The following ATP8B2 variants were observed in gnomAD, a reference collection of about 807,000 sequenced individuals.
The protein encoded by ATP8B2 is ATPase phospholipid transporting 8B2.
In ATP8B2, 70 loss-of-function variants were observed where a neutral mutation model predicts 133.4. That is an observed-to-expected ratio of 0.52 (90% CI 0.43 to 0.64). ATP8B2 has a LOEUF of 0.64. Among genes scored for constraint, ATP8B2 ranks in the 30% least tolerant of loss-of-function variants. The pLI is 0.00. For missense variants in ATP8B2, 1,101 were observed against 1,535.7 expected (o/e 0.72, Z 4.73); for synonymous variants, 517 against 589.5 (o/e 0.88, Z 1.78).
chr1:154,345,863 G>C lies in ATP8B2; in HGVS notation c.2758G>C (p.Ala920Pro). 6.2e-7 allele frequency: 1 copy of C among 1,612,780 alleles called. No individual in the cohort carries two copies. Among genetic ancestry groups the C allele is most frequent in the Non-Finnish European group, 8.5e-7 (1 of 1,178,768 alleles). ...NIVYTSLPVL[A>P]MGVFDQDVPE... The stretch of plus-strand genomic sequence containing the variant: ...CGTGTACACCTCCCTGCCAGTCCTG[G>C]CTATGGGGGTCTTTGATCAGGTATG... Residue 920 changes from alanine to proline, a missense_variant, in exon 24 of 28, where the codon GCT becomes CCT. Coordinates refer to ENST00000368489, the MANE Select transcript of ATP8B2 (RefSeq NM_001370597.1). This position sits in a 1 kb window ranked among gnomAD's most constrained non-coding sequence, Gnocchi z 5.6.
At chr1:154,337,235 G>A in intron 11 of ATP8B2, 113 bp from the exon 12 acceptor site, 2 of 1,250,632 alleles carry the variant, frequency 1.6e-6, no homozygotes, top group South Asian at 1.5e-5. Context: ...GGACAAGCTT[G>A]CACTAGAGCA....
Position 154,331,338 on chromosome 1 carries a change from A to G in ATP8B2, c.304-106A>G. 7.8e-7 allele frequency: 1 copy of G among 1,279,518 alleles called. No homozygotes were observed. The allele number at this position is 1,279,518 out of a possible 1,614,324, so 79.3% of individuals were successfully genotyped here. A position where few individuals can be genotyped will look rare whatever the true frequency, so the allele number is the denominator to read the frequency against. ...GAATCAGGGAGTGAACTGGTTTGTGATGGGGTGTGTATGAGGCGTTAACCA... is the reference window on the plus strand; with the variant it reads ...GAATCAGGGAGTGAACTGGTTTGTGGTGGGGTGTGTATGAGGCGTTAACCA... On this transcript the variant is annotated intron_variant, in intron 5 of 27. Transcript: ENST00000368489. The surrounding 1 kb of genome is among the most constrained non-coding windows in gnomAD (Gnocchi z 4.8).
rs1686499595 is a variant in ATP8B2, at chr1:154,344,172, A to G, written c.1953A>G (p.Lys651=). Residue 651 remains lysine, a synonymous_variant, in exon 19 of 28, where the codon AAA becomes AAG. Coordinates refer to ENST00000368489, the MANE Select transcript of ATP8B2 (RefSeq NM_001370597.1). This position sits in a 1 kb window ranked among gnomAD's most constrained non-coding sequence, Gnocchi z 4.1. Reference sequence around the variant, plus strand: ...TGGGTGCAACGGCCATTGAGGACAAACTTCAGCAAGGGGTTCCAGAGACCA... The same window carrying G: ...TGGGTGCAACGGCCATTGAGGACAAGCTTCAGCAAGGGGTTCCAGAGACCA... ...MLLGATAIED[K]LQQGVPETIA... 7 of 1,614,198 alleles carry G rather than the reference A, an allele frequency of 4.3e-6. No homozygotes were observed. The Admixed American group carries it at 8.3e-5, about 19-fold the overall frequency.
chr1:154,329,970 C>T (rs919233215), intron 2 of ATP8B2, among the ~76,000 whole-genome samples: 1 of 152,108 alleles, frequency 6.6e-6, no homozygotes, highest in African/African-American at 2.4e-5. Context: ...AGAGCAGTAC[C>T]GCGACTAGAT....
chr1:154,337,639 G>C (rs775341197), intron 12 of ATP8B2, 95 bp downstream of exon 12: 5 of 1,613,496 alleles, frequency 3.1e-6, no homozygotes, highest in Non-Finnish European at 4.2e-6. Flanking sequence ...GAGAAGTAAC[G>C]AGAAGTCCTC....
Position 154,342,899 on chromosome 1 carries a change from C to A in ATP8B2, c.1391C>A (p.Thr464Lys). Residue 464 changes from threonine (T) to lysine (K), a missense_variant, in exon 15 of 28, where the codon ACG becomes AAG. Physicochemically the swap from Thr to Lys is moderately conservative, Grantham distance 78 (BLOSUM62 -1). Transcript: ENST00000368489. Reference sequence around the variant, plus strand: ...GCTGTCAAGATCGGGGACCCCCACACGCATGAGTTCTTCCGCCTCCTTTCC... The same window carrying A: ...GCTGTCAAGATCGGGGACCCCCACAAGCATGAGTTCTTCCGCCTCCTTTCC... ...LEAVKIGDPH[T>K]HEFFRLLSLC... 1 of 1,614,176 alleles carries A rather than the reference C, an allele frequency of 6.2e-7. No individual in the cohort carries two copies. Among genetic ancestry groups the A allele is most frequent in the Non-Finnish European group, 8.5e-7 (1 of 1,180,036 alleles).
Position 154,349,125 on chromosome 1 carries a change from AG to A in ATP8B2, c.*9del. ...CAAGCCCCTCAAGGGCTGAAGGCCG[AG>A]GATGGATGCCCTGTGCCAGTGACCA... is the stretch of plus-strand genomic sequence containing the variant. On this transcript the variant is annotated 3_prime_UTR_variant, in exon 28 of 28. Transcript: ENST00000368489. The A allele has an allele frequency of 1.2e-6, 2 of 1,611,232 alleles. No homozygotes were observed. Among genetic ancestry groups the A allele is most frequent in the Non-Finnish European group, 1.7e-6 (2 of 1,177,920 alleles).
Position 154,345,331 on chromosome 1 carries a change from T to C in ATP8B2, c.2480T>C (p.Ile827Thr), listed in dbSNP as rs1686547255. Reference sequence around the variant, plus strand: ...TCTCTTGTCTCTGCAGCGGCTCACATTGGTGTGGGGATCAGTGGGCAGGAA... The same window carrying C: ...TCTCTTGTCTCTGCAGCGGCTCACACTGGTGTGGGGATCAGTGGGCAGGAA... ...NDVSMIKTAHIGVGISGQEGI... is the reference protein window; with the variant it reads ...NDVSMIKTAHTGVGISGQEGI... Residue 827 changes from isoleucine to threonine, a missense_variant, in exon 23 of 28, where the codon ATT (isoleucine) becomes ACT (threonine). Ile to Thr is a moderately conservative substitution (Grantham distance 89). Transcript: ENST00000368489. The surrounding 1 kb of genome is among the most constrained non-coding windows in gnomAD (Gnocchi z 5.6). 6.2e-7 allele frequency: 1 copy of C among 1,613,950 alleles called. No individual in the cohort carries two copies. Among genetic ancestry groups the C allele is most frequent in the Middle Eastern group, 1.7e-4 (1 of 5,948 alleles).
intron 8 of ATP8B2, 28 bp from the exon 9 acceptor site, chr1:154,332,590 C>A (rs572550130): frequency 3.3e-6 from 5 of 1,533,746 alleles, no homozygotes; most frequent in Non-Finnish European, 4.4e-6. Context: ...GAGGAGGGAG[C>A]GGGGACTCAG....
Position 154,345,166 on chromosome 1 carries a change from C to A in ATP8B2, c.2470+12C>A. On this transcript the variant is annotated intron_variant, in intron 22 of 27. Transcript: ENST00000368489. This position sits in a 1 kb window ranked among gnomAD's most constrained non-coding sequence, Gnocchi z 5.6. ...CAGCATGATCAAAAGTGAGTGTGGG[C>A]TGTGCAGGTGTGTAGGCTGGGCTTG... 1 of 1,611,572 alleles carries A rather than the reference C, an allele frequency of 6.2e-7. No homozygotes were observed. Among genetic ancestry groups the A allele is most frequent in the Non-Finnish European group, 8.5e-7 (1 of 1,178,344 alleles).
intron 26 of ATP8B2, among the ~76,000 whole-genome samples, chr1:154,347,944 A>C (rs1686642997): frequency 6.6e-6 from 1 of 152,066 alleles, no homozygotes; most frequent in South Asian, 2.1e-4. Flanking sequence ...GTCTCAAAAA[A>C]AAAAAAAAAA....
rs752271242 is a variant in ATP8B2 at position 154,337,436 on chromosome 1, A to C, written c.926A>C (p.Tyr309Ser). 8.1e-6 allele frequency: 13 copies of C among 1,614,032 alleles called. No individual in the cohort carries two copies. The South Asian group carries it at 1.4e-4, about 18-fold the overall frequency. The change falls in exon 12 of 28, where the codon TAC becomes TCC. Residue 309 changes from tyrosine (Y) to serine (S), a missense_variant. Physicochemically the swap from Tyr to Ser is moderately radical, Grantham distance 144. Coordinates refer to ENST00000368489, the MANE Select transcript of ATP8B2 (RefSeq NM_001370597.1). ...GAGGTGGGGATGCGTTTCCAGGTCTACCTGCCGTGGGATGAGGCAGTGGAC... is the reference window on the plus strand; with the variant it reads ...GAGGTGGGGATGCGTTTCCAGGTCTCCCTGCCGTGGGATGAGGCAGTGGAC... ...EHEVGMRFQV[Y>S]LPWDEAVDSA... is the part of the protein sequence containing the mutation.
chr1:154,345,582 G>A lies in ATP8B2; in HGVS notation c.2694+37G>A. On this transcript the variant is annotated intron_variant, in intron 23 of 27. Coordinates refer to ENST00000368489, the MANE Select transcript of ATP8B2 (RefSeq NM_001370597.1). This position sits in a 1 kb window ranked among gnomAD's most constrained non-coding sequence, Gnocchi z 5.6. ...TCCCAGTCCACTGTTGTGCAAATCTGTAAACCTGAGGGCAGAGGTTCTGTC... is the reference window on the plus strand; with the variant it reads ...TCCCAGTCCACTGTTGTGCAAATCTATAAACCTGAGGGCAGAGGTTCTGTC... 1.3e-6 allele frequency: 2 copies of A among 1,554,462 alleles called. No homozygotes were observed. The highest frequency in any genetic ancestry group is 1.8e-6 in the Non-Finnish European group (2 of 1,132,636).
In ATP8B2 at chr1:154,334,020, G is replaced by C; in HGVS notation, c.590-87G>C. 2 of 1,507,526 alleles carry C rather than the reference G, an allele frequency of 1.3e-6. No homozygotes were observed. Among genetic ancestry groups the C allele is most frequent in the Non-Finnish European group, 1.8e-6 (2 of 1,101,092 alleles). The allele number at this position is 1,507,526 out of a possible 1,614,324, so 93.4% of individuals were successfully genotyped here. On this transcript the variant is annotated intron_variant, in intron 9 of 27. Coordinates refer to ENST00000368489, the MANE Select transcript of ATP8B2 (RefSeq NM_001370597.1). The surrounding 1 kb of genome is among the most constrained non-coding windows in gnomAD (Gnocchi z 4.6). ...GGGCCCTTGCCCTTGCATCCTCTTC[G>C]CTCAGCTCATTTTCTCTTTGTTTTA... is the stretch of plus-strand genomic sequence containing the variant.
intron 26 of ATP8B2, among the ~76,000 whole-genome samples, chr1:154,347,199 A>G (rs1686613302): frequency 6.6e-6 from 1 of 152,090 alleles, no homozygotes; most frequent in African/African-American, 2.4e-5. Flanking sequence ...TAGCACAGAG[A>G]AATCTGAATA....
chr1:154,338,322 G>A lies in ATP8B2; in HGVS notation c.1034+778G>A, dbSNP rs74741007. On this transcript the variant is annotated intron_variant, in intron 12 of 27. Coordinates refer to ENST00000368489, the MANE Select transcript of ATP8B2 (RefSeq NM_001370597.1). ...ACATAGCTTGCTCCTGATTGTGGAG[G>A]CTTTTGAATATTTGCCTGTGGACTT... Among the ~76,000 whole-genome samples, 1,282 of 151,900 alleles carry A rather than the reference G, an allele frequency of 8.4e-3. 26 individuals are homozygous for A. Among genetic ancestry groups the A allele is most frequent in the African/African-American group, 0.029 (1,223 of 41,476 alleles).
Position 154,334,645 on chromosome 1 carries a change from C to A in ATP8B2, c.837+54C>A. ...CCCTGCCCTCTCTTCTCCTTGGGTGCTCCTTTTCCTTTCCTCTTTCTTCTT... is the reference window on the plus strand; with the variant it reads ...CCCTGCCCTCTCTTCTCCTTGGGTGATCCTTTTCCTTTCCTCTTTCTTCTT... On this transcript the variant is annotated intron_variant, in intron 11 of 27. Coordinates refer to ENST00000368489, the MANE Select transcript of ATP8B2 (RefSeq NM_001370597.1). The surrounding 1 kb of genome is among the most constrained non-coding windows in gnomAD (Gnocchi z 4.6). 6.8e-7 allele frequency: 1 copy of A among 1,475,638 alleles called. No homozygotes were observed. The highest frequency in any genetic ancestry group is 9.4e-7 in the Non-Finnish European group (1 of 1,060,852). 91.4% of individuals were successfully genotyped at this position (1,475,638 alleles called of 1,614,324 possible).
intron 9 of ATP8B2, among the ~76,000 whole-genome samples, chr1:154,333,361 G>A (rs1686067722): frequency 6.6e-6 from 1 of 151,392 alleles, no homozygotes. Context: ...AAAATTAGCC[G>A]GGCGTCGTGG....
chr1:154,348,304 A>G, intron 26 of ATP8B2, 104 bp from the exon 27 acceptor site: 1 of 1,287,720 alleles, frequency 7.8e-7, no homozygotes. Context: ...GGGAAGCCAG[A>G]GGTGACTTAG....
Sources: gnomAD v4.1 joint callset for allele counts (sites outside exome capture counted in the v4.1 genomes callset) on GRCh38, gnomAD v4.1.1 for gene constraint, Gnocchi (gnomAD v3.1) non-coding constraint, MANE v1.5 for transcripts, NCBI Gene and HGNC (gene_info 2026-07-23, HGNC 2026-07-21) for gene names.